The following EFL1 variants were observed in gnomAD, a reference collection of about 807,000 sequenced individuals.
EFL1 encodes elongation factor like GTPase 1.
In EFL1, 76 loss-of-function variants were observed where a neutral mutation model predicts 126.7. The ratio of observed to expected loss-of-function variants is 0.60; its 90% CI spans 0.50 to 0.73. The LOEUF (loss-of-function observed/expected upper bound fraction) is 0.73, where lower values mean the gene tolerates loss of function less well. Ranked by LOEUF, EFL1 falls within the 30% of genes least tolerant of loss-of-function variation. The pLI is 0.00. For synonymous variants in EFL1, 410 were observed against 448.4 expected (o/e 0.91, Z 1.08); for missense variants, 1,128 against 1,343.2 (o/e 0.84, Z 2.50).
intron 7 of EFL1, among the ~76,000 whole-genome samples, chr15:82,231,746 AG>A (rs1415446070): frequency 6.6e-6 from 1 of 152,330 alleles, no homozygotes; most frequent in Non-Finnish European, 1.5e-5. Context: ...AAGGAAATAA[AG>A]GGTATACTGA....
intron 17 of EFL1, chr15:82,157,464 T>C: frequency 2.8e-6 from 1 of 351,198 alleles, no homozygotes; most frequent in Admixed American, 4.3e-5. Context: ...TAAAGTAAAA[T>C]ACATACACAG....
intron 18 of EFL1, among the ~76,000 whole-genome samples, chr15:82,142,651 A>AGTTGAG (rs2073801918): frequency 6.6e-6 from 1 of 152,180 alleles, no homozygotes; most frequent in Non-Finnish European, 1.5e-5. Context: ...TAATGACTAC[A>AGTTGAG]CTATAAATAT....
intron 16 of EFL1, among the ~76,000 whole-genome samples, chr15:82,158,844 T>A (rs1197003296): frequency 6.6e-6 from 1 of 152,226 alleles, no homozygotes; most frequent in Admixed American, 6.5e-5. Flanking sequence ...ACTTTACATA[T>A]ATGAGCTCAT....
intron 4 of EFL1, among the ~76,000 whole-genome samples, chr15:82,242,105 T>A (rs113439262): frequency 0.14 from 21,286 of 152,068 alleles, 1,686 homozygotes; most frequent in South Asian, 0.38. Flanking sequence ...AAAAAAAAGA[T>A]CATCTTAGGT....
chr15:82,192,471 C>T lies in EFL1; in HGVS notation c.1750+22246G>A, dbSNP rs958326228. 1.2e-4 allele frequency among the ~76,000 whole-genome samples: 18 copies of T among 151,302 alleles called. 1 individual carries two copies. Among genetic ancestry groups the T allele is most frequent in the Admixed American group, 7.2e-4 (11 of 15,206 alleles). On this transcript the variant is annotated intron_variant, in intron 15 of 19. Coordinates refer to ENST00000268206, the MANE Select transcript of EFL1 (RefSeq NM_024580.6). ...TGTTTTGAAAACGTATGGAACCTAC[C>T]GAAATAATTAAAATATAAGCAGAGG...
chr15:82,210,042 T>C lies in EFL1; in HGVS notation c.1750+4675A>G, dbSNP rs189817806. ...TGGTCTCCACTATTTTCTTATTAAA[T>C]AGGAATTACAACTTTTTCTCAAAGT... On this transcript the variant is annotated intron_variant, in intron 15 of 19. Coordinates refer to ENST00000268206, the MANE Select transcript of EFL1 (RefSeq NM_024580.6). 3.9e-5 allele frequency among the ~76,000 whole-genome samples: 6 copies of C among 152,348 alleles called. No homozygotes were observed. The East Asian group carries it at 1.2e-3, about 29-fold the overall frequency.
intron 14 of EFL1, among the ~76,000 whole-genome samples, chr15:82,216,920 A>G (rs1190408532): frequency 6.6e-6 from 1 of 152,146 alleles, no homozygotes; most frequent in East Asian, 1.9e-4. Flanking sequence ...TGCAAAATTC[A>G]AAACTGACAA....
intron 15 of EFL1, among the ~76,000 whole-genome samples, chr15:82,209,312 CACAG>C (rs755971855): frequency 0.012 from 1,275 of 103,198 alleles, 11 homozygotes; most frequent in African/African-American, 0.038. Flanking sequence ...CACACACAGA[CACAG>C]ACACACACAC....
chr15:82,191,986 T>A (rs1477741590), intron 15 of EFL1, among the ~76,000 whole-genome samples: 1 of 152,216 alleles, frequency 6.6e-6, no homozygotes, highest in Non-Finnish European at 1.5e-5. Flanking sequence ...TCTGCTATTA[T>A]ATCTCGTCTA....
chr15:82,177,091 T>C (rs2074203039), intron 15 of EFL1, among the ~76,000 whole-genome samples: 1 of 152,196 alleles, frequency 6.6e-6, no homozygotes, highest in East Asian at 1.9e-4. Flanking sequence ...CGAAAGGAGC[T>C]TGGCTTCTGG....
At chr15:82,186,881 G>T (rs1294888398) in intron 15 of EFL1, among the ~76,000 whole-genome samples, 1 of 152,166 alleles carries the variant, frequency 6.6e-6, no homozygotes, top group African/African-American at 2.4e-5. Context: ...CCCTGGAACT[G>T]ACATCTCAGC....
In EFL1 at chr15:82,227,505, G is replaced by A; in HGVS notation, c.1137C>T (p.Cys379=). The A allele has an allele frequency of 6.2e-7, 1 of 1,614,176 alleles. No homozygotes were observed. Among genetic ancestry groups the A allele is most frequent in the South Asian group, 1.1e-5 (1 of 91,080 alleles). ...AAGAGTCAAAAGTTTGTGATCCTGT[G>A]CACATCAGTCTCTCCACTCTCTCAG... is the stretch of plus-strand genomic sequence containing the variant. ...ITAERVERLM[C]TGSQTFDSFP... is the part of the protein sequence containing the mutation. Residue 379 remains cysteine, a synonymous_variant, in exon 11 of 20, where the codon TGC becomes TGT. Transcript: ENST00000268206.
Position 82,196,064 on chromosome 15 carries a change from G to A in EFL1, c.1750+18653C>T, listed in dbSNP as rs1173643475. Among the ~76,000 whole-genome samples, 26 of 152,162 alleles carry A rather than the reference G, an allele frequency of 1.7e-4. 1 individual carries two copies. The highest frequency in any genetic ancestry group is 1.5e-3 in the Admixed American group (23 of 15,264). On this transcript the variant is annotated intron_variant, in intron 15 of 19. Coordinates refer to ENST00000268206, the MANE Select transcript of EFL1 (RefSeq NM_024580.6). ...TTGAGGAGAAGAGACAGCGTGTACC[G>A]AGACACAGAGGCATGAAAATCGTGG...
chr15:82,222,817 T>C (rs1424793490), intron 12 of EFL1, among the ~76,000 whole-genome samples: 1 of 152,160 alleles, frequency 6.6e-6, no homozygotes, highest in Non-Finnish European at 1.5e-5. Context: ...AAACTAACCA[T>C]GGATGTTACT....
chr15:82,174,057 C>T (rs759528531), intron 15 of EFL1, among the ~76,000 whole-genome samples: 1 of 151,942 alleles, frequency 6.6e-6, no homozygotes, highest in Admixed American at 6.6e-5. Context: ...GAGGTGGTGG[C>T]GGAAGCCTAT....
chr15:82,132,605 T>C (rs2073664520), intron 19 of EFL1, among the ~76,000 whole-genome samples: 1 of 137,278 alleles, frequency 7.3e-6, no homozygotes, highest in Non-Finnish European at 1.5e-5. Flanking sequence ...ACAGCAAGTC[T>C]AAGGAGCGTC....
At chr15:82,246,732 C>T (rs2074976360) in intron 4 of EFL1, among the ~76,000 whole-genome samples, 3 of 152,096 alleles carry the variant, frequency 2.0e-5, no homozygotes, top group South Asian at 2.1e-4. Context: ...CATACCATTA[C>T]GTTTTGAGAT....
At position 82,262,604 on chromosome 15, in the gene EFL1, C is replaced by G; in HGVS notation, c.-20+10G>C. The G allele has an allele frequency of 2.6e-6, 1 of 391,596 alleles. No individual in the cohort carries two copies. Among genetic ancestry groups the G allele is most frequent in the Non-Finnish European group, 4.6e-6 (1 of 218,186 alleles). 24.3% of individuals were successfully genotyped at this position (391,596 alleles called of 1,614,324 possible). A position where few individuals can be genotyped will look rare whatever the true frequency, so the allele number is the denominator to read the frequency against. Reference sequence around the variant, plus strand: ...GGAGGTTCCAGCCCCCAGCGCCAGCCCACACTCACCGGCTGCAGCAGCCCC... The same window carrying G: ...GGAGGTTCCAGCCCCCAGCGCCAGCGCACACTCACCGGCTGCAGCAGCCCC... On this transcript the variant is annotated intron_variant, in intron 1 of 19. Transcript: ENST00000268206.
intron 15 of EFL1, among the ~76,000 whole-genome samples, chr15:82,167,253 T>C (rs565075525): frequency 3.3e-4 from 51 of 152,310 alleles, no homozygotes; most frequent in African/African-American, 1.2e-3. Context: ...AGATAAGTGA[T>C]CAAACCCAAG....
Sources: allele counts gnomAD v4.1 joint callset (sites outside exome capture counted in the v4.1 genomes callset), GRCh38; gene constraint gnomAD v4.1.1; transcripts MANE v1.5; gene names NCBI Gene and HGNC (gene_info 2026-07-23, HGNC 2026-07-21).